MGAT5: variants seen among roughly 807,000 people sequenced by gnomAD.
MGAT5 encodes alpha-1,6-mannosylglycoprotein 6-beta-N-acetylglucosaminyltransferase, also known as alpha-1,6-mannosylglycoprotein 6-beta-N-acetylglucosaminyltransferase A.
MGAT5 carries 30 observed loss-of-function variants against 94.3 expected under a neutral mutation model. That is an observed-to-expected ratio of 0.32 (90% CI 0.24 to 0.43). The LOEUF is 0.43. Ranked by LOEUF, MGAT5 falls within the 20% of genes least tolerant of loss-of-function variation. The pLI, the probability that MGAT5 is intolerant of heterozygous loss-of-function variation, is 1.00. For missense variants in MGAT5, 691 were observed against 905.5 expected (o/e 0.76, Z 3.04); for synonymous variants, 310 against 322.9 (o/e 0.96, Z 0.43).
intron 4 of MGAT5, among the ~76,000 whole-genome samples, chr2:134,331,704 G>A (rs1213514894): frequency 6.6e-6 from 1 of 151,754 alleles, no homozygotes; most frequent in East Asian, 1.9e-4. Context: ...GAGAGTACCA[G>A]GAGCCACAGT....
At chr2:134,317,745 G>C (rs964693805) in intron 3 of MGAT5, 140 bp downstream of exon 3, 2 of 518,206 alleles carry the variant, frequency 3.9e-6, no homozygotes, top group Non-Finnish European at 6.5e-6. Context: ...CATCCTGCCG[G>C]CTTTGTCTGT....
At chr2:134,267,543 A>G (rs914985452) in intron 1 of MGAT5, among the ~76,000 whole-genome samples, 1 of 151,030 alleles carries the variant, frequency 6.6e-6, no homozygotes, top group Non-Finnish European at 1.5e-5. Context: ...CAGAAGGTCA[A>G]TCTTTGGCAG....
intron 10 of MGAT5, among the ~76,000 whole-genome samples, chr2:134,387,332 A>ATATATATATATATATATATATT: frequency 2.1e-4 from 5 of 24,264 alleles, no homozygotes; most frequent in South Asian, 3.4e-3. Context: ...ATATATATAT[A>ATATATATATATATATATATATT]TTTTTTTTTT....
At chr2:134,279,253 T>C (rs1454238252) in intron 2 of MGAT5, among the ~76,000 whole-genome samples, 1 of 152,228 alleles carries the variant, frequency 6.6e-6, no homozygotes, top group African/African-American at 2.4e-5. Context: ...TGAATCCTTT[T>C]GGAATTCCCA....
intron 1 of MGAT5, among the ~76,000 whole-genome samples, chr2:134,201,950 G>A (rs1679810615): frequency 6.6e-6 from 1 of 150,988 alleles, no homozygotes; most frequent in Admixed American, 6.6e-5. Flanking sequence ...GTTTGGTATG[G>A]TCACTAAATT....
At chr2:134,179,158 G>T (rs925941576) in intron 1 of MGAT5, among the ~76,000 whole-genome samples, 1 of 152,102 alleles carries the variant, frequency 6.6e-6, no homozygotes, top group Non-Finnish European at 1.5e-5. Flanking sequence ...GGTTAGTACC[G>T]TGTTTATCCT....
At chr2:134,137,553 A>C (rs529537611) in intron 1 of MGAT5, among the ~76,000 whole-genome samples, 27 of 152,312 alleles carry the variant, frequency 1.8e-4, no homozygotes, top group Middle Eastern at 3.4e-3. Context: ...TTCCACTTGT[A>C]GCTATATTTA....
At chr2:134,297,287 T>G (rs1233139460) in intron 2 of MGAT5, among the ~76,000 whole-genome samples, 1 of 151,584 alleles carries the variant, frequency 6.6e-6, no homozygotes, top group Non-Finnish European at 1.5e-5. Context: ...GAAAAACCCA[T>G]GCTCAGATGG....
intron 5 of MGAT5, among the ~76,000 whole-genome samples, chr2:134,337,088 G>A (rs1464028437): frequency 1.3e-5 from 2 of 152,276 alleles, no homozygotes; most frequent in African/African-American, 2.4e-5. Context: ...AAAATTTTAT[G>A]CACAAAAACA....
intron 10 of MGAT5, among the ~76,000 whole-genome samples, chr2:134,376,801 T>C (rs558455670): frequency 9.2e-5 from 14 of 152,270 alleles, no homozygotes; most frequent in South Asian, 2.1e-4. Flanking sequence ...CTGGCTTCTG[T>C]AGGACCGTGA....
intron 2 of MGAT5, among the ~76,000 whole-genome samples, chr2:134,317,291 C>T (rs903590904): frequency 3.3e-5 from 5 of 152,042 alleles, no homozygotes; most frequent in East Asian, 1.9e-4. Flanking sequence ...TTTTTTAAGC[C>T]GGGCCACACA....
In MGAT5 at chr2:134,295,017, C is replaced by T. The variant is rs573971601; in HGVS notation, c.407-22512C>T. Reference sequence around the variant, plus strand: ...CTGCCTCCTTTGTTCGGTGTACTATCGTGGCAAAACTGCTGGCAAGTGTAC... The same window carrying T: ...CTGCCTCCTTTGTTCGGTGTACTATTGTGGCAAAACTGCTGGCAAGTGTAC... On this transcript the variant is annotated intron_variant, in intron 2 of 15. Coordinates refer to ENST00000281923, the MANE Select transcript of MGAT5 (RefSeq NM_002410.5). 4.8e-4 allele frequency among the ~76,000 whole-genome samples: 73 copies of T among 152,234 alleles called. 1 individual carries two copies. The highest frequency in any genetic ancestry group is 1.4e-3 in the African/African-American group (58 of 41,534).
At chr2:134,163,186 G>T (rs1687816208) in intron 1 of MGAT5, among the ~76,000 whole-genome samples, 1 of 152,078 alleles carries the variant, frequency 6.6e-6, no homozygotes, top group Non-Finnish European at 1.5e-5. Flanking sequence ...GGATGTATTG[G>T]GGACAGGGAA....
chr2:134,307,249 C>T (rs767047674), intron 2 of MGAT5, among the ~76,000 whole-genome samples: 8 of 152,050 alleles, frequency 5.3e-5, no homozygotes, highest in Non-Finnish European at 1.0e-4. Flanking sequence ...GACCTTGTGT[C>T]AGAAAAACAC....
intron 2 of MGAT5, among the ~76,000 whole-genome samples, chr2:134,289,230 C>T (rs796206228): frequency 9.8e-5 from 15 of 152,290 alleles, no homozygotes; most frequent in African/African-American, 3.4e-4. Context: ...CAGGACTGCT[C>T]TTCTACTCCA....
intron 1 of MGAT5, among the ~76,000 whole-genome samples, chr2:134,262,402 T>C (rs889940362): frequency 1.3e-5 from 2 of 152,122 alleles, no homozygotes; most frequent in African/African-American, 4.8e-5. Context: ...CACACTAGGC[T>C]AATTTAAAAC....
At chr2:134,239,305 T>C (rs1302692846) in intron 1 of MGAT5, among the ~76,000 whole-genome samples, 3 of 149,094 alleles carry the variant, frequency 2.0e-5, no homozygotes, top group Non-Finnish European at 4.5e-5. Context: ...GCCCTGTTCT[T>C]TTCTGCTCTA....
intron 13 of MGAT5, 42 bp downstream of exon 13, chr2:134,422,961 C>T: frequency 2.1e-6 from 3 of 1,439,616 alleles, no homozygotes; most frequent in Non-Finnish European, 2.9e-6. Flanking sequence ...TCTAATGTGA[C>T]CTGAAATGTG....
chr2:134,399,556 G>T (rs1682917563), intron 10 of MGAT5, among the ~76,000 whole-genome samples: 1 of 152,208 alleles, frequency 6.6e-6, no homozygotes, highest in African/African-American at 2.4e-5. Flanking sequence ...AGCATTAGGG[G>T]GGTTGCTGGT....
Sources: allele counts gnomAD v4.1 joint callset (sites outside exome capture counted in the v4.1 genomes callset), GRCh38; gene constraint gnomAD v4.1.1; transcripts MANE v1.5; gene names NCBI Gene and HGNC (gene_info 2026-07-23, HGNC 2026-07-21).